The following CSMD1 variants were observed in gnomAD, a reference collection of about 807,000 sequenced individuals.
CSMD1 encodes CUB and Sushi multiple domains 1.
In CSMD1, 213 loss-of-function variants were observed where a neutral mutation model predicts 417.5. That is an observed-to-expected ratio of 0.51 (90% CI 0.46 to 0.57). The LOEUF (loss-of-function observed/expected upper bound fraction) is 0.57. Among genes scored for constraint, CSMD1 ranks in the 20% least tolerant of loss-of-function variants. CSMD1 has a pLI of 0.00. For synonymous variants in CSMD1, 2,862 were observed against 1,736.8 expected (o/e 1.65, Z -16.11); for missense variants, 6,923 against 4,529.7 (o/e 1.53, Z -15.17).
chr8:3,890,563 G>C (rs942379751), intron 5 of CSMD1, among the ~76,000 whole-genome samples: 6 of 151,938 alleles, frequency 3.9e-5, no homozygotes, highest in East Asian at 3.9e-4. Flanking sequence ...CAAAATAATA[G>C]GTAACACATA....
At position 3,187,875 on chromosome 8, in the gene CSMD1, A is replaced by C; in HGVS notation, c.5614T>G (p.Phe1872Val). Residue 1872 changes from phenylalanine (F) to valine (V), a missense_variant, in exon 36 of 70, where the codon TTC becomes GTC. Physicochemically the swap from Phe to Val is conservative, Grantham distance 50. Coordinates refer to ENST00000635120, the MANE Select transcript of CSMD1 (RefSeq NM_033225.6). ...GAAATTGACTCCATCTTACCTGAGA[A>C]GCTTCCCAGTCTGGGTGCGGTCACA... Reference protein sequence around the residue: ...GDVTAPRLGSFSGTTVPALLN... With the variant: ...GDVTAPRLGSVSGTTVPALLN... The C allele has an allele frequency of 6.2e-7, 1 of 1,612,608 alleles. No homozygotes were observed. Among genetic ancestry groups the C allele is most frequent in the Non-Finnish European group, 8.5e-7 (1 of 1,179,202 alleles).
At chr8:4,258,740 G>C (rs1803662583) in intron 3 of CSMD1, among the ~76,000 whole-genome samples, 1 of 152,082 alleles carries the variant, frequency 6.6e-6, no homozygotes, top group Admixed American at 6.5e-5. Context: ...CAATGTATGA[G>C]GACACAGACA....
At chr8:3,807,609 A>G (rs756491062) in intron 5 of CSMD1, among the ~76,000 whole-genome samples, 1 of 152,204 alleles carries the variant, frequency 6.6e-6, no homozygotes, top group African/African-American at 2.4e-5. Context: ...TTTAAATAAC[A>G]TAATTGTGTT....
intron 3 of CSMD1, among the ~76,000 whole-genome samples, chr8:4,254,467 C>A (rs1269666443): frequency 6.6e-6 from 1 of 152,156 alleles, no homozygotes; most frequent in Non-Finnish European, 1.5e-5. Flanking sequence ...GACATTGCAG[C>A]TGTCATAATG....
chr8:3,717,669 T>G (rs760710032), intron 6 of CSMD1, among the ~76,000 whole-genome samples: 1 of 152,208 alleles, frequency 6.6e-6, no homozygotes, highest in Non-Finnish European at 1.5e-5. Context: ...CTATGTGCAT[T>G]GTATATATAA....
In CSMD1 at chr8:3,139,801, A is replaced by G. The variant is rs192165513; in HGVS notation, c.6241+2664T>C. The stretch of plus-strand genomic sequence containing the variant: ...GGATAGTAGCTGAAAATGCAGAAAT[A>G]GAAAATATTCTCTAAATAATGTCTC... On this transcript the variant is annotated intron_variant, in intron 41 of 69. Transcript: ENST00000635120. Among the ~76,000 whole-genome samples the G allele has an allele frequency of 1.5e-4, 23 of 152,316 alleles. No homozygotes were observed. In the East Asian group the frequency reaches 4.2e-3, roughly 28 times the overall value.
chr8:3,885,159 A>G (rs902528524), intron 5 of CSMD1, among the ~76,000 whole-genome samples: 7 of 152,068 alleles, frequency 4.6e-5, no homozygotes, highest in African/African-American at 1.7e-4. Context: ...TCGTGACTGT[A>G]TCAGCGTTGA....
intron 10 of CSMD1, among the ~76,000 whole-genome samples, chr8:3,497,456 G>C (rs543551835): frequency 8.5e-5 from 13 of 152,172 alleles, no homozygotes; most frequent in Non-Finnish European, 1.8e-4. Flanking sequence ...ACCCAGGCTG[G>C]AGTGCAGTGG....
At chr8:3,741,364 C>G (rs1436770638) in intron 6 of CSMD1, among the ~76,000 whole-genome samples, 1 of 151,862 alleles carries the variant, frequency 6.6e-6, no homozygotes, top group Non-Finnish European at 1.5e-5. Flanking sequence ...AGAGGGGAGA[C>G]CGAAGGGGAA....
At chr8:3,887,936 T>C (rs187009766) in intron 5 of CSMD1, among the ~76,000 whole-genome samples, 15 of 152,294 alleles carry the variant, frequency 9.8e-5, no homozygotes, top group Admixed American at 2.0e-4. Context: ...AAAAGAATAC[T>C]TTCAATAGCA....
At chr8:4,583,132 C>A (rs960000755) in intron 2 of CSMD1, among the ~76,000 whole-genome samples, 3 of 152,262 alleles carry the variant, frequency 2.0e-5, no homozygotes, top group East Asian at 3.9e-4. Context: ...GGCTCCTGTG[C>A]GGCCCAAGCC....
At chr8:4,724,100 C>T (rs560757970) in intron 1 of CSMD1, among the ~76,000 whole-genome samples, 1 of 152,240 alleles carries the variant, frequency 6.6e-6, no homozygotes, top group Non-Finnish European at 1.5e-5. Flanking sequence ...TGAGCCATTG[C>T]AATTTGTCAT....
intron 20 of CSMD1, among the ~76,000 whole-genome samples, chr8:3,360,100 T>A (rs1809058395): frequency 6.6e-6 from 1 of 152,196 alleles, no homozygotes; most frequent in Non-Finnish European, 1.5e-5. Flanking sequence ...AGAGCCAATT[T>A]TGCCTCTAGA....
chr8:4,281,325 G>C (rs1450589121), intron 3 of CSMD1, among the ~76,000 whole-genome samples: 1 of 152,210 alleles, frequency 6.6e-6, no homozygotes, highest in African/African-American at 2.4e-5. Context: ...TGCGAGAACA[G>C]GTGGTCCCAG....
intron 6 of CSMD1, among the ~76,000 whole-genome samples, chr8:3,724,740 G>C (rs113987801): frequency 6.6e-6 from 1 of 152,150 alleles, no homozygotes; most frequent in East Asian, 1.9e-4. Flanking sequence ...GTGAAAATTA[G>C]TATTTTCTTC....
At chr8:3,302,855 G>T (rs1242933097) in intron 25 of CSMD1, among the ~76,000 whole-genome samples, 1 of 152,108 alleles carries the variant, frequency 6.6e-6, no homozygotes, top group Admixed American at 6.6e-5. Context: ...CTAATCTGTG[G>T]CAACTGAAAA....
chr8:3,131,623 C>A (rs572395409), intron 41 of CSMD1, among the ~76,000 whole-genome samples: 2 of 152,058 alleles, frequency 1.3e-5, no homozygotes, highest in African/African-American at 4.8e-5. Context: ...AGTTGCCTGC[C>A]ACCATGCCCA....
intron 12 of CSMD1, among the ~76,000 whole-genome samples, chr8:3,426,891 G>A (rs1813877697): frequency 1.3e-5 from 2 of 152,130 alleles, no homozygotes; most frequent in Admixed American, 6.5e-5. Flanking sequence ...AAGGAAAGAG[G>A]TTTAATTGAC....
At chr8:3,206,017 C>G (rs1202314196) in intron 30 of CSMD1, among the ~76,000 whole-genome samples, 1 of 152,056 alleles carries the variant, frequency 6.6e-6, no homozygotes, top group African/African-American at 2.4e-5. Context: ...TTTTCTATCA[C>G]TTTTATATTA....
Sources: allele counts gnomAD v4.1 joint callset (sites outside exome capture counted in the v4.1 genomes callset), GRCh38; gene constraint gnomAD v4.1.1; transcripts MANE v1.5; gene names NCBI Gene and HGNC (gene_info 2026-07-23, HGNC 2026-07-21).